Variants in GPA33 observed in about 807,000 individuals in gnomAD.
The protein encoded by GPA33 is glycoprotein A33, also known as cell surface A33 antigen.
Under a neutral mutation model 35.6 loss-of-function variants are expected in GPA33, and 27 were observed. The observed-to-expected ratio is 0.76, with a 90% CI of 0.56 to 1.04. GPA33 has a LOEUF of 1.04. GPA33 is among the 50% of genes least tolerant of loss of function. GPA33 has a pLI of 0.00. For synonymous variants in GPA33, 176 were observed against 164.0 expected (o/e 1.07, Z -0.56); for missense variants, 428 against 411.9 (o/e 1.04, Z -0.34).
chr1:167,087,319 T>G (rs7523434), intron 1 of GPA33, among the ~76,000 whole-genome samples: 59,116 of 151,996 alleles, frequency 0.39, 12,094 homozygotes, highest in East Asian at 0.72. Flanking sequence ...TTTATTGAGT[T>G]GTTATTATGT....
intron 2 of GPA33, among the ~76,000 whole-genome samples, chr1:167,069,492 A>G (rs910150686): frequency 6.6e-6 from 1 of 152,152 alleles, no homozygotes; most frequent in African/African-American, 2.4e-5. Flanking sequence ...TCACTCATTC[A>G]GTCTATCAGT....
intron 4 of GPA33, among the ~76,000 whole-genome samples, chr1:167,056,827 AGTGTGTGTGGTGAG>A (rs1666307821): frequency 1.1e-4 from 1 of 9,124 alleles, no homozygotes; most frequent in Non-Finnish European, 2.2e-4. Context: ...CAGCGTTTGT[AGTGTGTGTGGTGAG>A]TGTGTAATGT....
At chr1:167,055,590 G>T in intron 5 of GPA33, 140 bp downstream of exon 5, 1 of 883,138 alleles carries the variant, frequency 1.1e-6, no homozygotes, top group Non-Finnish European at 1.8e-6. Flanking sequence ...ATCCTGCCTA[G>T]GTCACCACAG....
At chr1:167,079,427 G>A (rs574422146) in intron 1 of GPA33, among the ~76,000 whole-genome samples, 13 of 150,382 alleles carry the variant, frequency 8.6e-5, no homozygotes, top group African/African-American at 3.2e-4. Flanking sequence ...AGGAGGTGGA[G>A]GTTGCAGTGA....
chr1:167,079,502 GAA>G (rs965851607), intron 1 of GPA33, among the ~76,000 whole-genome samples: 6 of 145,498 alleles, frequency 4.1e-5, no homozygotes, highest in Non-Finnish European at 7.6e-5. Context: ...AAAAAAAAAA[GAA>G]AAAAAAGAAA....
At chr1:167,056,716 G>A (rs1304993976) in intron 4 of GPA33, among the ~76,000 whole-genome samples, 774 of 5,614 alleles carry the variant, frequency 0.14, 4 homozygotes, top group Non-Finnish European at 0.13. Context: ...TGTAGTGTGT[G>A]TGTAGTGTGT....
chr1:167,056,092 T>C (rs1571301294), intron 4 of GPA33, among the ~76,000 whole-genome samples: 1 of 152,318 alleles, frequency 6.6e-6, no homozygotes, highest in South Asian at 2.1e-4. Flanking sequence ...TATTAATTTG[T>C]CTTTAGCAAG....
chr1:167,078,270 G>T (rs1199138948), intron 1 of GPA33, among the ~76,000 whole-genome samples: 1 of 152,206 alleles, frequency 6.6e-6, no homozygotes, highest in Non-Finnish European at 1.5e-5. Flanking sequence ...TGCCCACAAA[G>T]TCATCTTCTT....
intron 2 of GPA33, among the ~76,000 whole-genome samples, chr1:167,069,445 T>C (rs1330548022): frequency 6.6e-6 from 1 of 152,254 alleles, no homozygotes; most frequent in Non-Finnish European, 1.5e-5. Context: ...ATCTCCGGCA[T>C]CTCTCTTATC....
At position 167,062,646 on chromosome 1, in the gene GPA33, C is replaced by CTT. The variant is rs768326263; in HGVS notation, c.571+934_571+935dup. ...TGGTAGGATTTTTATATAGCTCTTTCTTTTTTTTTTTTTTTTTTTTTCAGT... is the reference window on the plus strand; with the variant it reads ...TGGTAGGATTTTTATATAGCTCTTTCTTTTTTTTTTTTTTTTTTTTTTTCAGT... On this transcript the variant is annotated intron_variant, in intron 4 of 6. Transcript: ENST00000367868. 1.9e-3 allele frequency among the ~76,000 whole-genome samples: 149 copies of CTT among 79,980 alleles called. 5 individuals are homozygous for CTT. Among genetic ancestry groups the CTT allele is most frequent in the African/African-American group, 5.3e-3 (117 of 21,962 alleles). 52.5% of individuals were successfully genotyped at this position (79,980 alleles called of 152,430 possible). A position where few individuals can be genotyped will look rare whatever the true frequency, so the allele number is the denominator to read the frequency against.
At position 167,073,390 on chromosome 1, in the gene GPA33, G is replaced by T; in HGVS notation, c.193C>A (p.His65Asn). 6.2e-7 allele frequency: 1 copy of T among 1,613,196 alleles called. No individual in the cohort carries two copies. The highest frequency in any genetic ancestry group is 1.1e-5 in the South Asian group (1 of 91,048). ...AACTTGTAAAGTATCCTTACCGTATGAGTGAGGAGGAGCTTATCCCATTGA... is the reference window on the plus strand; with the variant it reads ...AACTTGTAAAGTATCCTTACCGTATTAGTGAGGAGGAGCTTATCCCATTGA... ...LIQWDKLLLTHTERVVIWPFS... is the reference protein window; with the variant it reads ...LIQWDKLLLTNTERVVIWPFS... Residue 65 changes from histidine to asparagine, a missense_variant, in exon 2 of 7, where the codon CAT becomes AAT. Physicochemically the swap from His to Asn is moderately conservative, Grantham distance 68. Coordinates refer to ENST00000367868, the MANE Select transcript of GPA33 (RefSeq NM_005814.3).
intron 4 of GPA33, among the ~76,000 whole-genome samples, chr1:167,060,856 A>C (rs1285396681): frequency 6.6e-6 from 1 of 151,938 alleles, no homozygotes; most frequent in Non-Finnish European, 1.5e-5. Context: ...CCATTCCTAC[A>C]CCTACACACG....
chr1:167,078,436 A>T (rs1403438986), intron 1 of GPA33: 1 of 152,146 alleles, frequency 6.6e-6, no homozygotes, highest in Non-Finnish European at 1.5e-5. Context: ...AACAACACCC[A>T]CTATTCTCTA....
chr1:167,078,352 C>T (rs1434242385), intron 1 of GPA33, among the ~76,000 whole-genome samples: 1 of 152,194 alleles, frequency 6.6e-6, no homozygotes, highest in Non-Finnish European at 1.5e-5. Context: ...ATGCTAAGTA[C>T]AGTATTTGCT....
At chr1:167,082,061 C>T (rs1221853553) in intron 1 of GPA33, among the ~76,000 whole-genome samples, 3 of 151,978 alleles carry the variant, frequency 2.0e-5, no homozygotes, top group Non-Finnish European at 4.4e-5. Context: ...AATGGGAAGG[C>T]TTATTGAGGA....
At chr1:167,056,702 T>A (rs1558001875) in intron 4 of GPA33, among the ~76,000 whole-genome samples, 8 of 2,110 alleles carry the variant, frequency 3.8e-3, no homozygotes. Flanking sequence ...GGGTGTGTGG[T>A]GTGTGTAGTG....
At chr1:167,073,932 G>A (rs968211079) in intron 1 of GPA33, among the ~76,000 whole-genome samples, 13 of 151,952 alleles carry the variant, frequency 8.6e-5, no homozygotes, top group East Asian at 1.9e-4. Context: ...ACTCCCTGGC[G>A]CATAGAAAAC....
At chr1:167,076,935 G>C (rs577188051) in intron 1 of GPA33, among the ~76,000 whole-genome samples, 1 of 152,344 alleles carries the variant, frequency 6.6e-6, no homozygotes, top group South Asian at 2.1e-4. Context: ...GCAGGGCGCA[G>C]TGGCTCGTGC....
intron 1 of GPA33, among the ~76,000 whole-genome samples, chr1:167,081,704 C>T (rs1666953420): frequency 6.6e-6 from 1 of 152,224 alleles, no homozygotes; most frequent in South Asian, 2.1e-4. Flanking sequence ...TTTCCCGAGC[C>T]ACTTCGGGCA....
Sources: allele counts gnomAD v4.1 joint callset (sites outside exome capture counted in the v4.1 genomes callset), GRCh38; gene constraint gnomAD v4.1.1; transcripts MANE v1.5; gene names NCBI Gene and HGNC (gene_info 2026-07-23, HGNC 2026-07-21).